Variants in DOCK3 observed in about 807,000 individuals in gnomAD.
DOCK3 encodes dedicator of cytokinesis 3.
In DOCK3, 60 loss-of-function variants were observed where a neutral mutation model predicts 265.6. The ratio of observed to expected loss-of-function variants is 0.23; its 90% CI spans 0.18 to 0.28. The LOEUF is 0.28. Ranked by LOEUF, DOCK3 falls within the 10% of genes least tolerant of loss-of-function variation. DOCK3 has a pLI of 1.00. For missense variants in DOCK3, 1,981 were observed against 2,594.3 expected (o/e 0.76, Z 5.14); for synonymous variants, 881 against 938.0 (o/e 0.94, Z 1.11).
chr3:51,197,722 G>A (rs995131203), intron 12 of DOCK3, among the ~76,000 whole-genome samples: 18 of 152,146 alleles, frequency 1.2e-4, no homozygotes, highest in African/African-American at 4.3e-4. Flanking sequence ...CCCAGGTGGA[G>A]TGCTCAGGTG....
intron 2 of DOCK3, among the ~76,000 whole-genome samples, chr3:50,798,575 A>ATT (rs540669729): frequency 2.0e-5 from 3 of 146,678 alleles, no homozygotes; most frequent in South Asian, 2.2e-4. Flanking sequence ...TTGTAATTGG[A>ATT]TTTTTTTTTT....
At chr3:51,084,276 G>A (rs1019721738) in intron 7 of DOCK3, among the ~76,000 whole-genome samples, 5 of 151,812 alleles carry the variant, frequency 3.3e-5, no homozygotes, top group Non-Finnish European at 7.4e-5. Context: ...AGATTTTAAA[G>A]GTATATATAT....
chr3:51,026,293 A>G (rs943918220), intron 5 of DOCK3, among the ~76,000 whole-genome samples: 2 of 151,876 alleles, frequency 1.3e-5, no homozygotes, highest in Admixed American at 6.6e-5. Context: ...ATTGACTTGT[A>G]TATGTTTACC....
chr3:50,685,738 C>G (rs1009213732), intron 1 of DOCK3: 3 of 225,184 alleles, frequency 1.3e-5, no homozygotes. Flanking sequence ...TTTCTGCTGT[C>G]TTTGGAACTT....
At chr3:51,264,759 G>A (rs1464589481) in intron 23 of DOCK3, among the ~76,000 whole-genome samples, 9 of 151,952 alleles carry the variant, frequency 5.9e-5, no homozygotes, top group Non-Finnish European at 8.8e-5. Flanking sequence ...CCTGGGAGGC[G>A]GGGCTTGCAG....
At chr3:50,703,711 C>T (rs1007649784) in intron 1 of DOCK3, among the ~76,000 whole-genome samples, 3 of 151,398 alleles carry the variant, frequency 2.0e-5, no homozygotes, top group Admixed American at 6.6e-5. Context: ...TTCTCGGTTA[C>T]TGTAGTTAAC....
At chr3:50,881,961 A>G (rs1005260363) in intron 3 of DOCK3, among the ~76,000 whole-genome samples, 1 of 152,138 alleles carries the variant, frequency 6.6e-6, no homozygotes, top group Non-Finnish European at 1.5e-5. Context: ...AAATAATACC[A>G]CACGTCTACA....
At chr3:51,250,694 G>A (rs931801668) in intron 22 of DOCK3, among the ~76,000 whole-genome samples, 3 of 152,138 alleles carry the variant, frequency 2.0e-5, no homozygotes, top group Admixed American at 6.5e-5. Flanking sequence ...CAGACTGGCT[G>A]GAAAGGAGGG....
At chr3:51,099,667 T>C (rs2083002978) in intron 9 of DOCK3, among the ~76,000 whole-genome samples, 1 of 152,230 alleles carries the variant, frequency 6.6e-6, no homozygotes, top group African/African-American at 2.4e-5. Context: ...ACCTGCTATG[T>C]GCTTGTGCTG....
chr3:50,828,034 C>T (rs1305921055), intron 2 of DOCK3, among the ~76,000 whole-genome samples: 2 of 151,830 alleles, frequency 1.3e-5, no homozygotes, highest in Non-Finnish European at 2.9e-5. Flanking sequence ...CAGCTTCTGC[C>T]TCCATGGCCT....
intron 12 of DOCK3, among the ~76,000 whole-genome samples, chr3:51,185,717 T>G (rs566783952): frequency 6.6e-6 from 1 of 152,310 alleles, no homozygotes; most frequent in Admixed American, 6.5e-5. Context: ...GGGCGGGTCT[T>G]TCCCATGCTG....
At chr3:51,099,058 A>C (rs577044354) in intron 9 of DOCK3, among the ~76,000 whole-genome samples, 1 of 152,330 alleles carries the variant, frequency 6.6e-6, no homozygotes, top group South Asian at 2.1e-4. Context: ...TGCCCTGCTA[A>C]GTTTTTCATC....
intron 27 of DOCK3, among the ~76,000 whole-genome samples, chr3:51,283,467 C>G (rs1190135399): frequency 6.6e-6 from 1 of 152,174 alleles, no homozygotes; most frequent in African/African-American, 2.4e-5. Flanking sequence ...ACTTCCAGGG[C>G]TTTATCCTCT....
At chr3:51,248,403 C>T (rs1467168154) in intron 22 of DOCK3, among the ~76,000 whole-genome samples, 3 of 152,238 alleles carry the variant, frequency 2.0e-5, no homozygotes, top group South Asian at 2.1e-4. Flanking sequence ...CTGTGTTGGC[C>T]GGGCTGGTCT....
chr3:50,871,069 T>C (rs1488845382), intron 3 of DOCK3, among the ~76,000 whole-genome samples: 1 of 152,122 alleles, frequency 6.6e-6, no homozygotes, highest in East Asian at 1.9e-4. Context: ...TATAATATTC[T>C]GTATTTTTCT....
At chr3:50,991,651 A>G (rs890884855) in intron 5 of DOCK3, among the ~76,000 whole-genome samples, 3 of 152,192 alleles carry the variant, frequency 2.0e-5, no homozygotes, top group African/African-American at 7.2e-5. Flanking sequence ...GGAGACTTCA[A>G]CACTCCACTG....
In DOCK3 at chr3:51,015,118, AT is replaced by A. The variant is rs914493184; in HGVS notation, c.316-49327del. Among the ~76,000 whole-genome samples the A allele has an allele frequency of 2.6e-5, 4 of 152,016 alleles. 1 individual carries two copies. The highest frequency in any genetic ancestry group is 9.7e-5 in the African/African-American group (4 of 41,388). On this transcript the variant is annotated intron_variant, in intron 5 of 52. Coordinates refer to ENST00000266037, the MANE Select transcript of DOCK3 (RefSeq NM_004947.5). Reference sequence around the variant, plus strand: ...CATCTTTCCTTCCACTTTGGATGCCATTTCTTTATCTCTGGTCTAATTGCTC... The same window carrying A: ...CATCTTTCCTTCCACTTTGGATGCCATTCTTTATCTCTGGTCTAATTGCTC...
At chr3:50,928,287 T>C (rs2050876635) in intron 4 of DOCK3, among the ~76,000 whole-genome samples, 1 of 152,068 alleles carries the variant, frequency 6.6e-6, no homozygotes, top group Admixed American at 6.5e-5. Flanking sequence ...TTTGTCCCTG[T>C]TAAACAGTTA....
Position 51,381,337 on chromosome 3 carries a change from A to G in DOCK3, c.5871A>G (p.Ser1957=), listed in dbSNP as rs375853281. ...SIKAQPCRSH[S]APGCVIPQDP... The stretch of plus-strand genomic sequence containing the variant: ...AGGCCCAGCCATGCCGAAGCCACTC[A>G]GCCCCAGGGTGCGTCATCCCTCAGG... The change falls in exon 53 of 53, where the codon TCA becomes TCG. Residue 1957 remains serine, a synonymous_variant. Coordinates refer to ENST00000266037, the MANE Select transcript of DOCK3 (RefSeq NM_004947.5). This position sits in a 1 kb window ranked among gnomAD's most constrained non-coding sequence, Gnocchi z 5.6. The G allele has an allele frequency of 1.9e-5, 30 of 1,613,294 alleles. No homozygotes were observed. Among genetic ancestry groups the G allele is most frequent in the Admixed American group, 3.3e-5 (2 of 60,000 alleles).
Sources: allele counts gnomAD v4.1 joint callset (sites outside exome capture counted in the v4.1 genomes callset), GRCh38; gene constraint gnomAD v4.1.1; non-coding constraint Gnocchi (gnomAD v3.1); transcripts MANE v1.5; gene names NCBI Gene and HGNC (gene_info 2026-07-23, HGNC 2026-07-21).